KCNMA1: variants seen among roughly 807,000 people sequenced by gnomAD.
The protein encoded by KCNMA1 is Calcium-activated potassium channel subunit alpha-1.
Under a neutral mutation model 140.0 loss-of-function variants are expected in KCNMA1, and 29 were observed. The ratio of observed to expected loss-of-function variants is 0.21; its 90% CI spans 0.15 to 0.28. The LOEUF is 0.28. Among genes scored for constraint, KCNMA1 ranks in the 10% least tolerant of loss-of-function variants. KCNMA1 has a pLI of 1.00. For synonymous variants in KCNMA1, 612 were observed against 611.9 expected (o/e 1.00, Z 0.00); for missense variants, 880 against 1,602.2 (o/e 0.55, Z 7.70).
intron 1 of KCNMA1, among the ~76,000 whole-genome samples, chr10:77,444,388 C>A (rs1480721792): frequency 1.3e-5 from 2 of 152,192 alleles, no homozygotes; most frequent in Non-Finnish European, 2.9e-5. Flanking sequence ...AGAAAGAGAA[C>A]TTTTCTCTGT....
chr10:76,944,726 C>A, intron 23 of KCNMA1, 47 bp downstream of exon 23: 1 of 1,546,928 alleles, frequency 6.5e-7, no homozygotes, highest in East Asian at 2.2e-5. Flanking sequence ...CTTGCCAGCC[C>A]CTGTCCCCTG....
intron 13 of KCNMA1, among the ~76,000 whole-genome samples, chr10:77,074,092 TTCA>T (rs1455811106): frequency 1.3e-5 from 2 of 152,160 alleles, no homozygotes; most frequent in African/African-American, 4.8e-5. Context: ...TTACAAGGCT[TTCA>T]TGTCAAGTAC....
At chr10:77,272,982 C>T (rs959968378) in intron 2 of KCNMA1, among the ~76,000 whole-genome samples, 16 of 152,078 alleles carry the variant, frequency 1.1e-4, no homozygotes, top group African/African-American at 3.9e-4. Context: ...CTATTATAAG[C>T]GCCAGAGAAG....
At chr10:77,330,441 G>T (rs2085938654) in intron 2 of KCNMA1, among the ~76,000 whole-genome samples, 1 of 152,166 alleles carries the variant, frequency 6.6e-6, no homozygotes, top group South Asian at 2.1e-4. Flanking sequence ...CTCCTTGGAA[G>T]AATGTTCAAT....
chr10:77,625,846 G>C (rs1303713016), intron 1 of KCNMA1, among the ~76,000 whole-genome samples: 5 of 152,148 alleles, frequency 3.3e-5, no homozygotes, highest in African/African-American at 1.2e-4. Flanking sequence ...CTGCTTTTAA[G>C]TTTTTTGGAT....
chr10:77,367,805 T>C (rs558795703), intron 2 of KCNMA1, among the ~76,000 whole-genome samples: 1 of 152,352 alleles, frequency 6.6e-6, no homozygotes, highest in East Asian at 1.9e-4. Flanking sequence ...TGATATAATA[T>C]GTAACCTATT....
At chr10:76,944,670 C>A (rs796595458) in intron 23 of KCNMA1, 103 bp downstream of exon 23, 8 of 1,083,748 alleles carry the variant, frequency 7.4e-6, no homozygotes, top group African/African-American at 1.5e-5. Flanking sequence ...CACTGCCAGG[C>A]AGGCTGATGT....
chr10:77,197,424 A>C (rs933102728), intron 3 of KCNMA1, among the ~76,000 whole-genome samples: 2 of 152,162 alleles, frequency 1.3e-5, no homozygotes, highest in Non-Finnish European at 2.9e-5. Flanking sequence ...CTAGCTTCTA[A>C]TTATTTGTCA....
At chr10:77,294,322 C>A (rs2074286403) in intron 2 of KCNMA1, among the ~76,000 whole-genome samples, 1 of 152,138 alleles carries the variant, frequency 6.6e-6, no homozygotes, top group Non-Finnish European at 1.5e-5. Flanking sequence ...GAGGGTGGAC[C>A]TTGTCAGAGG....
intron 1 of KCNMA1, among the ~76,000 whole-genome samples, chr10:77,522,238 G>C (rs186154695): frequency 1.0e-3 from 157 of 151,184 alleles, no homozygotes; most frequent in African/African-American, 3.7e-3. Context: ...ACATTCCCAT[G>C]AGCCATGAGC....
At chr10:77,191,312 T>C (rs2098936326) in intron 3 of KCNMA1, among the ~76,000 whole-genome samples, 1 of 152,202 alleles carries the variant, frequency 6.6e-6, no homozygotes, top group South Asian at 2.1e-4. Context: ...GGATTTAGTG[T>C]GAATGACATG....
intron 1 of KCNMA1, among the ~76,000 whole-genome samples, chr10:77,436,002 C>G (rs1253612862): frequency 6.6e-6 from 1 of 152,166 alleles, no homozygotes; most frequent in African/African-American, 2.4e-5. Flanking sequence ...TATGTGTTTC[C>G]ACCACTTTGT....
At chr10:77,583,839 C>G (rs999300350) in intron 1 of KCNMA1, among the ~76,000 whole-genome samples, 16 of 152,170 alleles carry the variant, frequency 1.1e-4, no homozygotes, top group Admixed American at 5.2e-4. Flanking sequence ...GGCTTTGGTG[C>G]CCAACCCCAA....
chr10:77,012,078 A>G lies in KCNMA1; in HGVS notation c.2016-35T>C, dbSNP rs200208089. On this transcript the variant is annotated intron_variant, in intron 17 of 27. Transcript: ENST00000286628. ...GAGAATGGAAAAACTGACACGTTTC[A>G]TAATCCACCCAAATGAAATGAGTAC... 1.2e-4 allele frequency: 196 copies of G among 1,612,826 alleles called. 1 individual carries two copies. The highest frequency in any genetic ancestry group is 1.8e-4 in the Admixed American group (11 of 59,980).
chr10:77,410,048 A>T (rs1195930784), intron 1 of KCNMA1, among the ~76,000 whole-genome samples: 2 of 152,162 alleles, frequency 1.3e-5, no homozygotes, highest in African/African-American at 4.8e-5. Flanking sequence ...CTGGGCAGGA[A>T]GCAGGGCTGC....
rs527755097 is a variant in KCNMA1, at chr10:77,363,178, C to T, written c.540+40684G>A. On this transcript the variant is annotated intron_variant, in intron 2 of 27. Coordinates refer to ENST00000286628, the MANE Select transcript of KCNMA1 (RefSeq NM_001161352.2). ...CTCAACTCCAGTTTACTCCAGCTAA[C>T]ACCACAGCTTTACTGTTCCTCTTCC... Among the ~76,000 whole-genome samples, 82 of 152,032 alleles carry T rather than the reference C, an allele frequency of 5.4e-4. 3 individuals carry two copies. In the South Asian group the frequency reaches 0.016, roughly 30 times the overall value.
intron 1 of KCNMA1, among the ~76,000 whole-genome samples, chr10:77,576,847 T>C (rs1395248205): frequency 6.6e-6 from 1 of 152,096 alleles, no homozygotes; most frequent in Non-Finnish European, 1.5e-5. Flanking sequence ...GTCCAAGTCA[T>C]TTAACGGGAG....
intron 2 of KCNMA1, among the ~76,000 whole-genome samples, chr10:77,381,278 T>C (rs11002140): frequency 0.24 from 35,893 of 151,968 alleles, 5,377 homozygotes; most frequent in Non-Finnish European, 0.35. Flanking sequence ...ATAAATAAAG[T>C]ATATATAGTA....
downstream of KCNMA1, among the ~76,000 whole-genome samples, chr10:76,881,902 T>C (rs2034829316): frequency 6.6e-6 from 1 of 152,150 alleles, no homozygotes; most frequent in African/African-American, 2.4e-5. Flanking sequence ...GTTTTTCCCC[T>C]CCCAGGGTGA....
Sources: gnomAD v4.1 joint callset for allele counts (sites outside exome capture counted in the v4.1 genomes callset) on GRCh38, gnomAD v4.1.1 for gene constraint, MANE v1.5 for transcripts, NCBI Gene and HGNC (gene_info 2026-07-23, HGNC 2026-07-21) for gene names.